The following TAPBPL variants were observed in gnomAD, a reference collection of about 807,000 sequenced individuals.
The protein encoded by TAPBPL is TAP binding protein like, also known as tapasin-related protein.
TAPBPL carries 32 observed loss-of-function variants against 44.8 expected under a neutral mutation model. The observed-to-expected ratio is 0.71, with a 90% CI of 0.54 to 0.96. The LOEUF (loss-of-function observed/expected upper bound fraction) is 0.96, where lower values mean the gene tolerates loss of function less well. Ranked by LOEUF, TAPBPL falls within the 40% of genes least tolerant of loss-of-function variation. The pLI is 0.00. For synonymous variants in TAPBPL, 230 were observed against 240.7 expected (o/e 0.96, Z 0.41); for missense variants, 520 against 586.6 (o/e 0.89, Z 1.17).
chr12:6,470,380 G>A (rs1196037275), downstream of TAPBPL: 4 of 1,196,372 alleles, frequency 3.3e-6, no homozygotes, highest in East Asian at 2.6e-5. Flanking sequence ...CCCCCTCCCT[G>A]GGGGTGGCCC....
chr12:6,452,951 A>C, intron 1 of TAPBPL, 116 bp from the exon 2 acceptor site: 1 of 1,091,398 alleles, frequency 9.2e-7, no homozygotes, highest in Non-Finnish European at 1.3e-6. Context: ...AACAGCTAGG[A>C]TCTTGGATGG....
downstream of TAPBPL, chr12:6,466,645 C>G (rs1241824274): frequency 2.8e-5 from 7 of 253,946 alleles, no homozygotes; most frequent in South Asian, 2.7e-4. Context: ...GGAGACAAAC[C>G]ATAGAGGCAA....
chr12:6,462,766 C>T (rs935662681), downstream of TAPBPL: 2 of 1,518,038 alleles, frequency 1.3e-6, no homozygotes, highest in Admixed American at 1.9e-5. Flanking sequence ...AAGGAGGAGC[C>T]CAGAGGAGAG....
chr12:6,452,524 A>T (rs1949581038), intron 1 of TAPBPL: 1 of 1,420,672 alleles, frequency 7.0e-7, no homozygotes, highest in Non-Finnish European at 9.2e-7. Context: ...AATGCTAAAG[A>T]GGGGCTGCCT....
downstream of TAPBPL, chr12:6,470,424 C>A (rs1945743855): frequency 1.9e-6 from 3 of 1,547,446 alleles, no homozygotes; most frequent in Admixed American, 3.6e-5. Context: ...TAGTTCCCCG[C>A]GTTGCTGCAG....
At chr12:6,466,997 C>T (rs1333710052), downstream of TAPBPL, 1 of 166,842 alleles carries the variant, frequency 6.0e-6, no homozygotes, top group Non-Finnish European at 1.3e-5. Flanking sequence ...ATGGGTTTAT[C>T]AGTGGTTTCT....
At chr12:6,463,365 C>T, downstream of TAPBPL, 1 of 1,097,190 alleles carries the variant, frequency 9.1e-7, no homozygotes, top group Non-Finnish European at 1.1e-6. The surrounding 1 kb of genome is among the most constrained non-coding windows in gnomAD (Gnocchi z 4.0). Context: ...TCTCTGCATC[C>T]TGAGGATCGG....
At chr12:6,460,975 C>T (rs1339846112) in intron 6 of TAPBPL, 37 bp downstream of exon 6, 2 of 1,613,054 alleles carry the variant, frequency 1.2e-6, no homozygotes, top group South Asian at 1.1e-5. Context: ...GGCCCTGGCC[C>T]ACCTCACCCA....
At chr12:6,452,460 C>A in intron 1 of TAPBPL, 148 bp downstream of exon 1, 60 of 1,415,668 alleles carry the variant, frequency 4.2e-5, no homozygotes, top group East Asian at 1.1e-4. Flanking sequence ...CAGCGGCTGG[C>A]AAAGGAAGGA....
chr12:6,470,523 A>C, downstream of TAPBPL: 1 of 1,614,030 alleles, frequency 6.2e-7, no homozygotes, highest in Non-Finnish European at 8.5e-7. Context: ...CACCAGAGTC[A>C]ACTCACATTT....
At chr12:6,458,518 G>T in intron 4 of TAPBPL, 127 bp from the exon 5 acceptor site, 1 of 1,181,902 alleles carries the variant, frequency 8.5e-7, no homozygotes, top group South Asian at 1.5e-5. Flanking sequence ...CCCCGCCTTG[G>T]TACACCACCA....
intron 1 of TAPBPL, 163 bp downstream of exon 1, chr12:6,452,475 A>C: frequency 7.0e-7 from 1 of 1,419,660 alleles, no homozygotes. Flanking sequence ...GAAGGAACCA[A>C]TAGTGTGTGT....
At chr12:6,470,092 G>A (rs528821494), downstream of TAPBPL, among the ~76,000 whole-genome samples, 3 of 152,262 alleles carry the variant, frequency 2.0e-5, no homozygotes, top group Admixed American at 2.0e-4. Context: ...AGATTGTAGG[G>A]CAACATAAGT....
At chr12:6,463,827 C>A, downstream of TAPBPL, 1 of 1,224,900 alleles carries the variant, frequency 8.2e-7, no homozygotes, top group South Asian at 1.4e-5. The surrounding 1 kb of genome is among the most constrained non-coding windows in gnomAD (Gnocchi z 4.0). Flanking sequence ...TTCTCCAGGC[C>A]TCTGGAGAAC....
chr12:6,459,756 ATTTATTTAT>A (rs1233778303), intron 5 of TAPBPL, among the ~76,000 whole-genome samples: 1,768 of 138,616 alleles, frequency 0.013, 27 homozygotes, highest in African/African-American at 0.053. Flanking sequence ...TTATTTATTT[ATTTATTTAT>A]TTTATTTTAT....
At chr12:6,459,117 T>G (rs1482351009) in intron 5 of TAPBPL, among the ~76,000 whole-genome samples, 170 bp downstream of exon 5, 2 of 152,240 alleles carry the variant, frequency 1.3e-5, no homozygotes, top group African/African-American at 4.8e-5. Context: ...TGCCACAGCT[T>G]CTACCACACA....
At chr12:6,457,868 A>C in intron 4 of TAPBPL, 124 bp downstream of exon 4, 2 of 1,064,562 alleles carry the variant, frequency 1.9e-6, no homozygotes, top group Non-Finnish European at 2.6e-6. Context: ...CACAACTTAA[A>C]TGCCATCTTC....
chr12:6,465,996 A>G, downstream of TAPBPL: 1 of 1,614,236 alleles, frequency 6.2e-7, no homozygotes, highest in Non-Finnish European at 8.5e-7. Context: ...TATGATGTCC[A>G]CCACCTGAGG....
At chr12:6,471,433 T>G (rs1255481953), downstream of TAPBPL, among the ~76,000 whole-genome samples, 1 of 152,206 alleles carries the variant, frequency 6.6e-6, no homozygotes, top group Non-Finnish European at 1.5e-5. This position sits in a 1 kb window ranked among gnomAD's most constrained non-coding sequence, Gnocchi z 4.0. Flanking sequence ...TGATTTTTCC[T>G]TCTTGGCATT....
Sources: gnomAD v4.1 joint callset for allele counts (sites outside exome capture counted in the v4.1 genomes callset) on GRCh38, gnomAD v4.1.1 for gene constraint, Gnocchi (gnomAD v3.1) non-coding constraint, MANE v1.5 for transcripts, NCBI Gene and HGNC (gene_info 2026-07-23, HGNC 2026-07-21) for gene names.